The following RASA3 variants were observed in gnomAD, a reference collection of about 807,000 sequenced individuals.
The protein encoded by RASA3 is RAS p21 protein activator 3.
A neutral mutation model predicts 110.0 loss-of-function variants in RASA3; 73 were observed. The observed-to-expected ratio is 0.66, with a 90% CI of 0.55 to 0.81. The LOEUF is 0.81. Ranked by LOEUF, RASA3 falls within the 30% of genes least tolerant of loss-of-function variation. The probability of loss-of-function intolerance (pLI) is 0.00; values close to 1 mark genes in which losing one functional copy is unlikely to be tolerated. For missense variants in RASA3, 976 were observed against 1,113.2 expected, an observed-to-expected ratio of 0.88 and a Z score of 1.75; for synonymous variants, 500 against 451.4, an observed-to-expected ratio of 1.11 and a Z score of -1.37.
chr13:114,005,081 G>A (rs961997918), intron 18 of RASA3, among the ~76,000 whole-genome samples: 3 of 152,186 alleles, frequency 2.0e-5, no homozygotes, highest in Admixed American at 6.5e-5. Flanking sequence ...GGGGCGGGGC[G>A]CTCTGGGACA....
chr13:114,028,493 G>A (rs1159571315), intron 5 of RASA3, among the ~76,000 whole-genome samples: 1 of 151,566 alleles, frequency 6.6e-6, no homozygotes, highest in African/African-American at 2.4e-5. Flanking sequence ...GTGTCATCTG[G>A]GAGCCAGGAC....
At chr13:114,018,437 G>A (rs1005947559) in intron 10 of RASA3, among the ~76,000 whole-genome samples, 185 bp from the exon 11 acceptor site, 10 of 152,172 alleles carry the variant, frequency 6.6e-5, no homozygotes, top group African/African-American at 9.7e-5. Flanking sequence ...CCCTTGGAGG[G>A]GCATCTGCAC....
intron 13 of RASA3, among the ~76,000 whole-genome samples, 186 bp from the exon 14 acceptor site, chr13:114,015,518 C>A (rs754328359): frequency 1.3e-5 from 2 of 152,342 alleles, no homozygotes; most frequent in East Asian, 3.9e-4. Context: ...GCAATTCACG[C>A]GTGAAAATCA....
chr13:114,011,089 G>T lies in RASA3; in HGVS notation c.1590+82C>A. 8.1e-7 allele frequency: 1 copy of T among 1,231,226 alleles called. No homozygotes were observed. The highest frequency in any genetic ancestry group is 1.2e-6 in the Non-Finnish European group (1 of 848,120). The allele number at this position is 1,231,226 out of a possible 1,614,324, so 76.3% of individuals were successfully genotyped here. ...TTTATCTTACGACTCTCTCAAATGT[G>T]GGAGGTTTTTCACGTGTATTTTCTG... On this transcript the variant is annotated intron_variant, in intron 16 of 23. Transcript: ENST00000334062. This position sits in a 1 kb window ranked among gnomAD's most constrained non-coding sequence, Gnocchi z 4.8.
intron 4 of RASA3, among the ~76,000 whole-genome samples, chr13:114,030,875 A>G (rs889491599): frequency 2.9e-5 from 4 of 136,606 alleles, no homozygotes; most frequent in South Asian, 2.4e-4. Context: ...CTGTGTGTCT[A>G]CCTGTGTGCG....
chr13:113,996,434 CAG>C, intron 21 of RASA3, 95 bp downstream of exon 21: 1 of 1,238,084 alleles, frequency 8.1e-7, no homozygotes. Context: ...GTGCAGCTTA[CAG>C]GCAGGCATGC....
intron 1 of RASA3, among the ~76,000 whole-genome samples, chr13:114,104,057 C>T (rs1237361769): frequency 3.5e-5 from 2 of 57,952 alleles, no homozygotes; most frequent in Non-Finnish European, 7.6e-5. Context: ...GTCCATGCTG[C>T]CACGGCCACG....
intron 3 of RASA3, 51 bp from the exon 4 acceptor site, chr13:114,041,145 G>C (rs2054397317): frequency 2.0e-6 from 3 of 1,505,108 alleles, no homozygotes; most frequent in Non-Finnish European, 2.8e-6. Context: ...CCCAGAGCCA[G>C]GACGCCTGTG....
intron 1 of RASA3, among the ~76,000 whole-genome samples, chr13:114,120,528 G>C (rs11616362): frequency 1.9e-5 from 1 of 51,454 alleles, no homozygotes; most frequent in Admixed American, 1.8e-4. Context: ...CCAGACGTCG[G>C]TCAGGGCCCC....
At chr13:114,101,451 G>A (rs1030760725) in intron 1 of RASA3, among the ~76,000 whole-genome samples, 1 of 152,232 alleles carries the variant, frequency 6.6e-6, no homozygotes, top group African/African-American at 2.4e-5. Flanking sequence ...GCCAGCCACT[G>A]CCCGTGCTGG....
chr13:114,117,136 TGAG>T (rs1268985854), intron 1 of RASA3, among the ~76,000 whole-genome samples: 24 of 116,380 alleles, frequency 2.1e-4, no homozygotes, highest in African/African-American at 6.2e-4. Flanking sequence ...TGCATGTGTG[TGAG>T]GAGAGCACGT....
chr13:114,098,136 G>A (rs1039706710), intron 1 of RASA3, among the ~76,000 whole-genome samples: 4 of 152,186 alleles, frequency 2.6e-5, no homozygotes, highest in African/African-American at 9.6e-5. Context: ...TCTGGGGGCT[G>A]CAGGGGAGCA....
At chr13:114,017,131 A>T in intron 12 of RASA3, 106 bp downstream of exon 12, 4 of 1,046,772 alleles carry the variant, frequency 3.8e-6, no homozygotes, top group Non-Finnish European at 5.9e-6. Context: ...AGGGGCCGAC[A>T]TTCAAGCCCA....
chr13:114,099,188 C>T (rs1421915780), intron 1 of RASA3, among the ~76,000 whole-genome samples: 1 of 150,750 alleles, frequency 6.6e-6, no homozygotes. Context: ...GGCCCGGCCA[C>T]CCGAGCCCCC....
At chr13:114,027,689 T>C (rs538488307) in intron 6 of RASA3, among the ~76,000 whole-genome samples, 158 bp downstream of exon 6, 8 of 152,300 alleles carry the variant, frequency 5.3e-5, no homozygotes, top group African/African-American at 1.9e-4. Flanking sequence ...AAAGCAATTT[T>C]GGAGCAATAA....
At chr13:114,063,581 G>T (rs768647739) in intron 2 of RASA3, among the ~76,000 whole-genome samples, 1 of 152,232 alleles carries the variant, frequency 6.6e-6, no homozygotes, top group Non-Finnish European at 1.5e-5. Context: ...ACTTTCCAAA[G>T]AGCTGATAAA....
At chr13:114,053,829 T>C (rs1221726695) in intron 2 of RASA3, among the ~76,000 whole-genome samples, 1 of 152,254 alleles carries the variant, frequency 6.6e-6, no homozygotes, top group Non-Finnish European at 1.5e-5. Flanking sequence ...AAAAGCATTA[T>C]TTAAAAAGTG....
At chr13:114,003,194 G>A (rs578059317) in intron 18 of RASA3, among the ~76,000 whole-genome samples, 3 of 152,238 alleles carry the variant, frequency 2.0e-5, no homozygotes, top group Non-Finnish European at 4.4e-5. Context: ...GCTGATCCAG[G>A]GGCTGGAAAC....
At chr13:114,029,493 G>A (rs552586945) in intron 5 of RASA3, among the ~76,000 whole-genome samples, 9 of 45,472 alleles carry the variant, frequency 2.0e-4, no homozygotes, top group East Asian at 6.5e-4. Context: ...CTAAAACGGC[G>A]TCATCCTGGG....
Sources: allele counts gnomAD v4.1 joint callset (sites outside exome capture counted in the v4.1 genomes callset), GRCh38; gene constraint gnomAD v4.1.1; non-coding constraint Gnocchi (gnomAD v3.1); transcripts MANE v1.5; gene names NCBI Gene and HGNC (gene_info 2026-07-23, HGNC 2026-07-21).